TLE4: variants seen among roughly 807,000 people sequenced by gnomAD.
TLE4 encodes the protein TLE family member 4, transcriptional corepressor, also known as transducin-like enhancer protein 4.
TLE4 carries 8 observed loss-of-function variants against 92.8 expected under a neutral mutation model. The observed-to-expected ratio is 0.09, with a 90% CI of 0.05 to 0.16. The LOEUF (loss-of-function observed/expected upper bound fraction) is 0.16, where lower values mean the gene tolerates loss of function less well. Ranked by LOEUF, TLE4 falls within the 10% of genes least tolerant of loss-of-function variation. The probability of loss-of-function intolerance (pLI) is 1.00; values close to 1 mark genes in which losing one functional copy is unlikely to be tolerated. For synonymous variants in TLE4, 371 were observed against 374.1 expected, an observed-to-expected ratio of 0.99 and a Z score of 0.10; for missense variants, 675 against 997.6, an observed-to-expected ratio of 0.68 and a Z score of 4.36.
At chr9:79,578,748 A>G (rs533947491) in intron 4 of TLE4, among the ~76,000 whole-genome samples, 33 of 152,304 alleles carry the variant, frequency 2.2e-4, no homozygotes, top group African/African-American at 7.7e-4. Context: ...AATGTTGCCA[A>G]TTTTTAACAA....
intron 5 of TLE4, among the ~76,000 whole-genome samples, chr9:79,614,476 G>C (rs1160410789): frequency 1.3e-5 from 2 of 152,128 alleles, no homozygotes; most frequent in Non-Finnish European, 2.9e-5. Flanking sequence ...AATGTATAAT[G>C]GTAGTGGTGC....
In TLE4 at chr9:79,652,736, T is replaced by G; in HGVS notation, c.534T>G (p.Gly178=). 3 of 1,614,086 alleles carry G rather than the reference T, an allele frequency of 1.9e-6. No individual in the cohort carries two copies. The highest frequency in any genetic ancestry group is 2.5e-6 in the Non-Finnish European group (3 of 1,180,016). Residue 178 remains glycine, a synonymous_variant, in exon 7 of 20, where the codon GGT becomes GGG. Coordinates refer to ENST00000376552, the MANE Select transcript of TLE4 (RefSeq NM_007005.6). ...TGGCCCTCTCCAGTGCTCTAGGAGG[T>G]CAGTCCCATCTTCCAATTAAAGATG... ...GLLALSSALG[G]QSHLPIKDEK... is the part of the protein sequence containing the mutation.
At chr9:79,590,620 TAGG>T (rs996388744) in intron 4 of TLE4, among the ~76,000 whole-genome samples, 1 of 152,176 alleles carries the variant, frequency 6.6e-6, no homozygotes, top group Admixed American at 6.5e-5. Context: ...GCAGAGCTGA[TAGG>T]AGGGTTTTTT....
intron 4 of TLE4, among the ~76,000 whole-genome samples, chr9:79,606,556 G>A (rs1226137843): frequency 6.6e-6 from 1 of 151,800 alleles, no homozygotes; most frequent in East Asian, 1.9e-4. Flanking sequence ...GCCCTGATGT[G>A]TAATGTTCCC....
At chr9:79,590,624 A>T (rs1027879717) in intron 4 of TLE4, among the ~76,000 whole-genome samples, 1 of 152,138 alleles carries the variant, frequency 6.6e-6, no homozygotes, top group Non-Finnish European at 1.5e-5. Context: ...AGCTGATAGG[A>T]GGGTTTTTTT....
In TLE4 at chr9:79,725,754, C is replaced by T. The variant is rs1261554667; in HGVS notation, c.*610C>T. 6.6e-6 allele frequency: 1 copy of T among 152,616 alleles called. No homozygotes were observed. The highest frequency in any genetic ancestry group is 1.9e-4 in the East Asian group (1 of 5,196). The allele number at this position is 152,616 out of a possible 1,614,324, so 9.5% of individuals were successfully genotyped here. On this transcript the variant is annotated 3_prime_UTR_variant, in exon 20 of 20. Coordinates refer to ENST00000376552, the MANE Select transcript of TLE4 (RefSeq NM_007005.6). ...TTAGAACACAACAGGCCAACTCATA[C>T]TCATTTGGATCTATTTAGACAACGT...
chr9:79,695,965 T>C (rs1193616111), intron 8 of TLE4, among the ~76,000 whole-genome samples: 3 of 152,106 alleles, frequency 2.0e-5, no homozygotes, highest in African/African-American at 7.2e-5. Context: ...TTATATCAAG[T>C]GTGAGATGTT....
At chr9:79,606,272 C>T (rs1587990469) in intron 4 of TLE4, among the ~76,000 whole-genome samples, 1 of 109,950 alleles carries the variant, frequency 9.1e-6, no homozygotes, top group Non-Finnish European at 1.7e-5. Context: ...GGTTTACCAA[C>T]TTGCTAGCTA....
chr9:79,641,126 A>G (rs935261807), intron 6 of TLE4, among the ~76,000 whole-genome samples: 1 of 150,424 alleles, frequency 6.6e-6, no homozygotes, highest in African/African-American at 2.4e-5. Context: ...ACTTAAAAAA[A>G]AAAAACAGGA....
At chr9:79,670,432 A>G (rs1215526783) in intron 8 of TLE4, among the ~76,000 whole-genome samples, 1 of 152,196 alleles carries the variant, frequency 6.6e-6, no homozygotes, top group Non-Finnish European at 1.5e-5. Flanking sequence ...CAGTGACCAG[A>G]GATGCAAGGG....
At chr9:79,635,787 T>C (rs1281561426) in intron 6 of TLE4, among the ~76,000 whole-genome samples, 3 of 152,180 alleles carry the variant, frequency 2.0e-5, no homozygotes, top group African/African-American at 4.8e-5. Context: ...TCATTATTGA[T>C]GTTCTCCATT....
At chr9:79,591,916 T>A (rs141761554) in intron 4 of TLE4, among the ~76,000 whole-genome samples, 1 of 152,130 alleles carries the variant, frequency 6.6e-6, no homozygotes, top group African/African-American at 2.4e-5. Context: ...GTTTGTTGCT[T>A]CTTTTGCTTT....
intron 8 of TLE4, among the ~76,000 whole-genome samples, chr9:79,681,359 A>G (rs949501808): frequency 2.0e-5 from 3 of 151,564 alleles, no homozygotes; most frequent in South Asian, 2.1e-4. Flanking sequence ...AGATGTACAA[A>G]TAAAAATAGC....
chr9:79,610,119 A>G (rs2048028833), intron 4 of TLE4, among the ~76,000 whole-genome samples: 1 of 151,998 alleles, frequency 6.6e-6, no homozygotes, highest in African/African-American at 2.4e-5. Flanking sequence ...TCTGTCTGTT[A>G]TTCATCAGAA....
At chr9:79,619,545 A>G (rs2050452092) in intron 5 of TLE4, among the ~76,000 whole-genome samples, 1 of 152,208 alleles carries the variant, frequency 6.6e-6, no homozygotes, top group Admixed American at 6.5e-5. Flanking sequence ...GCGAGGAATC[A>G]ATGGCTTGTG....
intron 6 of TLE4, among the ~76,000 whole-genome samples, chr9:79,641,929 A>G (rs544304481): frequency 6.6e-6 from 1 of 151,462 alleles, no homozygotes; most frequent in Non-Finnish European, 1.5e-5. Context: ...AGTGAAGTCT[A>G]TTTAGTGGGC....
chr9:79,680,927 A>G (rs944972607), intron 8 of TLE4, among the ~76,000 whole-genome samples: 1 of 152,120 alleles, frequency 6.6e-6, no homozygotes, highest in Admixed American at 6.6e-5. Flanking sequence ...GCTGGATTAC[A>G]TTTATTGATT....
At chr9:79,705,794 T>A (rs1167478367) in intron 9 of TLE4, 95 bp from the exon 10 acceptor site, 1 of 1,237,738 alleles carries the variant, frequency 8.1e-7, no homozygotes, top group East Asian at 2.3e-5. Flanking sequence ...ACAGCTCATC[T>A]TTATAAGATA....
At chr9:79,698,060 T>C (rs943999005) in intron 8 of TLE4, among the ~76,000 whole-genome samples, 1 of 152,230 alleles carries the variant, frequency 6.6e-6, no homozygotes, top group Non-Finnish European at 1.5e-5. Context: ...GGCTTACTAG[T>C]ACTAGATGCT....
Sources: gnomAD v4.1 joint callset for allele counts (sites outside exome capture counted in the v4.1 genomes callset) on GRCh38, gnomAD v4.1.1 for gene constraint, MANE v1.5 for transcripts, NCBI Gene and HGNC (gene_info 2026-07-23, HGNC 2026-07-21) for gene names.